RAD50: variants seen among roughly 807,000 people sequenced by gnomAD.
The protein encoded by RAD50 is RAD50 double strand break repair protein.
Under a neutral mutation model 168.8 loss-of-function variants are expected in RAD50, and 132 were observed. The observed-to-expected ratio is 0.78, with a 90% CI of 0.68 to 0.90. The LOEUF is 0.90. Among genes scored for constraint, RAD50 ranks in the 40% least tolerant of loss-of-function variants. The probability of loss-of-function intolerance (pLI) is 0.00; values close to 1 mark genes in which losing one functional copy is unlikely to be tolerated. For synonymous variants in RAD50, 525 were observed against 497.4 expected (o/e 1.06, Z -0.74); for missense variants, 1,347 against 1,534.4 (o/e 0.88, Z 2.04).
At chr5:132,603,096 T>G (rs984033047) in intron 13 of RAD50, among the ~76,000 whole-genome samples, 1 of 152,198 alleles carries the variant, frequency 6.6e-6, no homozygotes, top group African/African-American at 2.4e-5. Flanking sequence ...TGGAGAAACC[T>G]GGCCAACACC....
At chr5:132,574,117 A>G in intron 2 of RAD50, among the ~76,000 whole-genome samples, 1 of 152,174 alleles carries the variant, frequency 6.6e-6, no homozygotes, top group East Asian at 1.9e-4. Context: ...TCCCCTCCAT[A>G]GGAACTCTGT....
chr5:132,615,167 T>C (rs766495264), intron 19 of RAD50, among the ~76,000 whole-genome samples: 1 of 152,208 alleles, frequency 6.6e-6, no homozygotes, highest in African/African-American at 2.4e-5. Context: ...AAGAATCAAC[T>C]TAAAAACTGT....
chr5:132,615,501 G>A (rs144579922), intron 19 of RAD50, among the ~76,000 whole-genome samples: 1,912 of 152,170 alleles, frequency 0.013, 32 homozygotes, highest in African/African-American at 0.044. Flanking sequence ...GAACTAGGAC[G>A]AAAAAGTTGG....
At chr5:132,604,122 T>G (rs1240423441) in intron 15 of RAD50, 76 bp downstream of exon 15, 1 of 1,554,696 alleles carries the variant, frequency 6.4e-7, no homozygotes, top group Non-Finnish European at 8.9e-7. Context: ...GTCAATTTTA[T>G]ATCTGTTACA....
chr5:132,642,511 T>C lies in RAD50; in HGVS notation c.*147T>C, dbSNP rs866399159. Reference sequence around the variant, plus strand: ...TAGGATTTTGGATGTTGAGAGGTTCTAAAATCATGAAACTTGTTTCACTGA... The same window carrying C: ...TAGGATTTTGGATGTTGAGAGGTTCCAAAATCATGAAACTTGTTTCACTGA... On this transcript the variant is annotated 3_prime_UTR_variant, in exon 25 of 25. Coordinates refer to ENST00000378823, the MANE Select transcript of RAD50 (RefSeq NM_005732.4). 1.2e-5 allele frequency: 9 copies of C among 778,814 alleles called. No homozygotes were observed. Among genetic ancestry groups the C allele is most frequent in the Middle Eastern group, 3.8e-4 (1 of 2,660 alleles). 48.2% of individuals were successfully genotyped at this position (778,814 alleles called of 1,614,324 possible).
At chr5:132,618,431 T>G in intron 21 of RAD50, 137 bp downstream of exon 21, 2 of 1,454,334 alleles carry the variant, frequency 1.4e-6, no homozygotes, top group Non-Finnish European at 1.8e-6. Flanking sequence ...CAGGCTGGAG[T>G]GCAATGGCAC....
chr5:132,610,912 A>G (rs934525598), intron 19 of RAD50, among the ~76,000 whole-genome samples: 7 of 152,210 alleles, frequency 4.6e-5, no homozygotes, highest in African/African-American at 1.7e-4. Context: ...TTTACTTTGT[A>G]ACCTTCCTTG....
chr5:132,638,850 T>G (rs1009762175), intron 23 of RAD50, among the ~76,000 whole-genome samples: 3 of 152,206 alleles, frequency 2.0e-5, no homozygotes, highest in African/African-American at 7.2e-5. Context: ...GAATATGGCA[T>G]CCTTGGGGAA....
chr5:132,642,553 C>CTGTT lies in RAD50; in HGVS notation c.*191_*194dup. 1.6e-6 allele frequency: 1 copy of CTGTT among 641,884 alleles called. No homozygotes were observed. The highest frequency in any genetic ancestry group is 2.6e-6 in the Non-Finnish European group (1 of 379,768). The allele number at this position is 641,884 out of a possible 1,614,324, so 39.8% of individuals were successfully genotyped here. A position where few individuals can be genotyped will look rare whatever the true frequency, so the allele number is the denominator to read the frequency against. On this transcript the variant is annotated 3_prime_UTR_variant, in exon 25 of 25. Transcript: ENST00000378823. ...TTTCACTGAAAATTGGACAGATTGC[C>CTGTT]TGTTTCTGATTTGCTGCTCTTCATC...
chr5:132,611,637 C>T (rs1751088565), intron 19 of RAD50, among the ~76,000 whole-genome samples: 1 of 145,294 alleles, frequency 6.9e-6, no homozygotes, highest in African/African-American at 2.6e-5. Flanking sequence ...ACCTGGGAGG[C>T]AGAGCTTGCA....
At chr5:132,619,834 C>CTATATA (rs1491455950) in intron 21 of RAD50, among the ~76,000 whole-genome samples, 1 of 117,120 alleles carries the variant, frequency 8.5e-6, no homozygotes, top group African/African-American at 4.0e-5. Context: ...CTCTCTCTCT[C>CTATATA]TCTATATATA....
At chr5:132,575,697 G>C in intron 2 of RAD50, 80 bp from the exon 3 acceptor site, 2 of 1,396,906 alleles carry the variant, frequency 1.4e-6, no homozygotes, top group Middle Eastern at 1.8e-4. Flanking sequence ...TTTTGGGTAA[G>C]ATTGCTTATG....
chr5:132,590,198 G>A (rs138420706), intron 9 of RAD50, among the ~76,000 whole-genome samples: 14 of 152,272 alleles, frequency 9.2e-5, no homozygotes, highest in East Asian at 7.7e-4. Context: ...GGCCGGGTGC[G>A]GTGTCTCACA....
At chr5:132,609,806 A>G (rs1751053577) in intron 19 of RAD50, among the ~76,000 whole-genome samples, 1 of 152,156 alleles carries the variant, frequency 6.6e-6, no homozygotes, top group Admixed American at 6.5e-5. Context: ...AAAAGTAAAG[A>G]AAAATAATTC....
chr5:132,619,837 T>TCTATATATATATATAAAG (rs1554099976), intron 21 of RAD50, among the ~76,000 whole-genome samples: 1 of 111,568 alleles, frequency 9.0e-6, no homozygotes, highest in Admixed American at 8.7e-5. Context: ...TCTCTCTCTC[T>TCTATATATATATATAAAG]ATATATATAT....
chr5:132,611,261 C>T (rs1169492298), intron 19 of RAD50, among the ~76,000 whole-genome samples: 2 of 151,994 alleles, frequency 1.3e-5, no homozygotes, highest in Non-Finnish European at 2.9e-5. Context: ...TGTGGTGACA[C>T]GCGCCTGTAA....
rs200209524 is a variant in RAD50, at chr5:132,592,074, T to G, written c.1793+40T>G. The G allele has an allele frequency of 3.2e-6, 5 of 1,558,518 alleles. No homozygotes were observed. In the East Asian group the frequency reaches 1.1e-4, roughly 35 times the overall value. The stretch of plus-strand genomic sequence containing the variant: ...TTGGAGATGTAATAGAAATCTCTTA[T>G]TTCATGCTTACCTGTTTAATTGTTT... On this transcript the variant is annotated intron_variant, in intron 11 of 24. Coordinates refer to ENST00000378823, the MANE Select transcript of RAD50 (RefSeq NM_005732.4).
chr5:132,632,502 G>T (rs766018596), intron 21 of RAD50, among the ~76,000 whole-genome samples: 22 of 151,864 alleles, frequency 1.4e-4, no homozygotes, highest in Non-Finnish European at 1.5e-4. Context: ...TCCATTTAAC[G>T]TGGTGATAAT....
At chr5:132,612,324 T>C (rs1356114018) in intron 19 of RAD50, among the ~76,000 whole-genome samples, 2 of 152,176 alleles carry the variant, frequency 1.3e-5, no homozygotes, top group South Asian at 2.1e-4. Flanking sequence ...AGCAGATTAA[T>C]GTTTCCAGGG....
Sources: allele counts gnomAD v4.1 joint callset (sites outside exome capture counted in the v4.1 genomes callset), GRCh38; gene constraint gnomAD v4.1.1; transcripts MANE v1.5; gene names NCBI Gene and HGNC (gene_info 2026-07-23, HGNC 2026-07-21).